Variants in KCNMA1 observed in about 807,000 individuals in gnomAD.
KCNMA1 encodes the protein potassium calcium-activated channel subfamily M alpha 1.
A neutral mutation model predicts 140.0 loss-of-function variants in KCNMA1; 29 were observed. That is an observed-to-expected ratio of 0.21 (90% CI 0.15 to 0.28). The LOEUF (loss-of-function observed/expected upper bound fraction) is 0.28, where lower values mean the gene tolerates loss of function less well. Ranked by LOEUF, KCNMA1 falls within the 10% of genes least tolerant of loss-of-function variation. The pLI, the probability that KCNMA1 is intolerant of heterozygous loss-of-function variation, is 1.00. For synonymous variants in KCNMA1, 612 were observed against 611.9 expected (o/e 1.00, Z 0.00); for missense variants, 880 against 1,602.2 (o/e 0.55, Z 7.70).
At chr10:77,025,246 A>G (rs935276070) in intron 16 of KCNMA1, among the ~76,000 whole-genome samples, 117 of 64,834 alleles carry the variant, frequency 1.8e-3, no homozygotes, top group Admixed American at 5.5e-3. Context: ...GTGTGTGTAT[A>G]TATATATATA....
chr10:77,491,064 C>A (rs1164745921), intron 1 of KCNMA1, among the ~76,000 whole-genome samples: 1 of 152,196 alleles, frequency 6.6e-6, no homozygotes, highest in Non-Finnish European at 1.5e-5. Flanking sequence ...CACTGAGGTC[C>A]ACCTCTTTCC....
intron 20 of KCNMA1, among the ~76,000 whole-genome samples, chr10:76,958,774 C>A (rs2069527443): frequency 6.6e-6 from 1 of 152,124 alleles, no homozygotes; most frequent in East Asian, 1.9e-4. Context: ...ACCAACCCTC[C>A]CAGACTTTCA....
chr10:77,582,693 A>G (rs1046145501), intron 1 of KCNMA1, among the ~76,000 whole-genome samples: 2 of 152,220 alleles, frequency 1.3e-5, no homozygotes, highest in African/African-American at 4.8e-5. Context: ...GACCAACTGC[A>G]AGGAAGTGCC....
At chr10:77,003,305 T>C (rs1016802465) in intron 18 of KCNMA1, among the ~76,000 whole-genome samples, 1 of 112,260 alleles carries the variant, frequency 8.9e-6, no homozygotes, top group African/African-American at 3.2e-5. Context: ...CTTTAGCTTT[T>C]ACCAAAAAAA....
intron 2 of KCNMA1, among the ~76,000 whole-genome samples, chr10:77,252,606 ACACC>A (rs1296449720): frequency 6.6e-6 from 1 of 150,616 alleles, no homozygotes; most frequent in African/African-American, 2.5e-5. Context: ...TCTCTCTTTT[ACACC>A]CACCCACACA....
intron 1 of KCNMA1, among the ~76,000 whole-genome samples, chr10:77,465,181 T>A (rs2097963912): frequency 6.6e-6 from 1 of 152,328 alleles, no homozygotes; most frequent in South Asian, 2.1e-4. Flanking sequence ...AGCGTGGCAA[T>A]GAGGCCTTTG....
intron 15 of KCNMA1, among the ~76,000 whole-genome samples, chr10:77,035,410 T>C (rs2094255239): frequency 6.6e-6 from 1 of 152,208 alleles, no homozygotes; most frequent in South Asian, 2.1e-4. Context: ...ACAGCACTTA[T>C]CAGTGGGTGT....
intron 5 of KCNMA1, among the ~76,000 whole-genome samples, chr10:77,138,060 C>T (rs2098086049): frequency 6.6e-6 from 1 of 152,128 alleles, no homozygotes; most frequent in Admixed American, 6.6e-5. Flanking sequence ...GGGATTGTCG[C>T]CCATTCATTC....
chr10:77,429,893 C>A (rs1449450097), intron 1 of KCNMA1, among the ~76,000 whole-genome samples: 1 of 152,032 alleles, frequency 6.6e-6, no homozygotes, highest in East Asian at 1.9e-4. Flanking sequence ...GTTCAAAATC[C>A]TACTAAGAGA....
chr10:77,004,624 G>A (rs1460477544), intron 18 of KCNMA1, among the ~76,000 whole-genome samples: 1 of 152,172 alleles, frequency 6.6e-6, no homozygotes, highest in Admixed American at 6.5e-5. Context: ...GGTGGTAGAT[G>A]TTCCAGAAGA....
chr10:77,425,286 T>C (rs149284737), intron 1 of KCNMA1, among the ~76,000 whole-genome samples: 59 of 152,312 alleles, frequency 3.9e-4, no homozygotes, highest in African/African-American at 1.2e-3. Context: ...ATTTTCTCTT[T>C]TGGGGGAAGT....
At chr10:77,132,018 C>G (rs2097872195) in intron 5 of KCNMA1, among the ~76,000 whole-genome samples, 1 of 150,388 alleles carries the variant, frequency 6.6e-6, no homozygotes, top group Non-Finnish European at 1.5e-5. Context: ...AAAGAATTGC[C>G]AAACATTTGA....
At chr10:76,911,902 T>A (rs2050462663) in intron 24 of KCNMA1, 1 of 152,112 alleles carries the variant, frequency 6.6e-6, no homozygotes, top group Non-Finnish European at 1.5e-5. Flanking sequence ...CCACCAATGG[T>A]GTGTGTGGCA....
At position 77,153,248 on chromosome 10, in the gene KCNMA1, G is replaced by T. The variant is rs1184756129; in HGVS notation, c.808+30173C>A. 2.6e-5 allele frequency among the ~76,000 whole-genome samples: 4 copies of T among 152,184 alleles called. No individual in the cohort carries two copies. In the East Asian group the frequency reaches 7.7e-4, roughly 29 times the overall value. On this transcript the variant is annotated intron_variant, in intron 5 of 27. Transcript: ENST00000286628. ...ATGAAGCACATTTTGGGAAAAGAAG[G>T]CCTGAGACTGGTGAATTTTACCCAG... is the stretch of plus-strand genomic sequence containing the variant.
chr10:77,280,620 A>T (rs2068175986), intron 2 of KCNMA1, among the ~76,000 whole-genome samples: 1 of 151,474 alleles, frequency 6.6e-6, no homozygotes, highest in African/African-American at 2.4e-5. Context: ...TCTACCTCCT[A>T]GGCTCAAGGG....
intron 1 of KCNMA1, among the ~76,000 whole-genome samples, chr10:77,577,804 G>A (rs967765794): frequency 2.0e-5 from 3 of 152,098 alleles, no homozygotes; most frequent in Non-Finnish European, 4.4e-5. Context: ...ACATCCCCCT[G>A]CCCCCTCCAC....
At chr10:77,440,685 C>T (rs1327670868) in intron 1 of KCNMA1, among the ~76,000 whole-genome samples, 1 of 152,230 alleles carries the variant, frequency 6.6e-6, no homozygotes, top group Non-Finnish European at 1.5e-5. Flanking sequence ...AAAAAAACCC[C>T]TCTACCGTGA....
intron 3 of KCNMA1, among the ~76,000 whole-genome samples, chr10:77,233,706 T>A (rs502004): frequency 0.35 from 53,849 of 152,124 alleles, 11,675 homozygotes; most frequent in Non-Finnish European, 0.47. Context: ...CCTGCTGTGA[T>A]TCAAACTGCT....
At chr10:77,234,575 G>A (rs888906107) in intron 3 of KCNMA1, among the ~76,000 whole-genome samples, 38 of 152,198 alleles carry the variant, frequency 2.5e-4, no homozygotes, top group African/African-American at 8.2e-4. Flanking sequence ...CCAAATTAGT[G>A]ACATGTAATC....
Sources: gnomAD v4.1 joint callset for allele counts (sites outside exome capture counted in the v4.1 genomes callset) on GRCh38, gnomAD v4.1.1 for gene constraint, MANE v1.5 for transcripts, NCBI Gene and HGNC (gene_info 2026-07-23, HGNC 2026-07-21) for gene names.